Variants in TRMT11 observed in about 807,000 individuals in gnomAD.
TRMT11 encodes tRNA (guanine(10)-N(2))-methyltransferase TRMT11.
TRMT11 carries 53 observed loss-of-function variants against 62.8 expected under a neutral mutation model. The observed-to-expected ratio is 0.84, with a 90% confidence interval of 0.68 to 1.06. TRMT11 has a LOEUF of 1.06. Among genes scored for constraint, TRMT11 ranks in the 50% least tolerant of loss-of-function variants. The pLI is 0.00. For missense variants in TRMT11, 556 were observed against 553.4 expected, an observed-to-expected ratio of 1.00 and a Z score of -0.05; for synonymous variants, 188 against 190.3, an observed-to-expected ratio of 0.99 and a Z score of 0.10.
intron 21 of TRMT11, among the ~76,000 whole-genome samples, chr6:126,164,642 A>G (rs975159586): frequency 6.6e-6 from 1 of 152,210 alleles, no homozygotes; most frequent in Non-Finnish European, 1.5e-5. Flanking sequence ...AACTTGCTTT[A>G]TGAATCTGGG....
chr6:126,026,712 T>A (rs2128015869), intron 12 of TRMT11, among the ~76,000 whole-genome samples: 1 of 150,994 alleles, frequency 6.6e-6, no homozygotes, highest in Non-Finnish European at 1.5e-5. Context: ...TTGAGTGACA[T>A]ATTACTAGTT....
At chr6:126,162,762 T>C (rs1011057027) in intron 21 of TRMT11, among the ~76,000 whole-genome samples, 1 of 152,214 alleles carries the variant, frequency 6.6e-6, no homozygotes, top group African/African-American at 2.4e-5. Flanking sequence ...TAGTATTCCT[T>C]GAAGAGGTCC....
chr6:126,011,541 C>A lies in TRMT11; in HGVS notation c.925+124C>A, dbSNP rs563948203. The stretch of plus-strand genomic sequence containing the variant: ...CTTGTCAGTATTTCTCCCATCTACC[C>A]CCAGCTTCTTCATCTTGTAAGGAGA... On this transcript the variant is annotated intron_variant, in intron 9 of 12. Transcript: ENST00000334379. 4 of 736,354 alleles carry A rather than the reference C, an allele frequency of 5.4e-6. No homozygotes were observed. In the South Asian group the frequency reaches 7.4e-5, roughly 14 times the overall value. The allele number at this position is 736,354 out of a possible 1,614,324, so 45.6% of individuals were successfully genotyped here. A position where few individuals can be genotyped will look rare whatever the true frequency, so the allele number is the denominator to read the frequency against.
At chr6:126,126,591 C>T (rs536965851) in intron 21 of TRMT11, among the ~76,000 whole-genome samples, 2 of 152,252 alleles carry the variant, frequency 1.3e-5, no homozygotes, top group South Asian at 4.1e-4. Context: ...TATCAAACCT[C>T]ACGCTGTGCC....
At chr6:126,138,155 T>C (rs746472123) in intron 21 of TRMT11, among the ~76,000 whole-genome samples, 2 of 152,102 alleles carry the variant, frequency 1.3e-5, no homozygotes, top group African/African-American at 2.4e-5. Context: ...TTTGAGTTGA[T>C]GAATAGTTCA....
At chr6:126,154,339 A>ATGTATGTGTGTG (rs543087570) in intron 21 of TRMT11, among the ~76,000 whole-genome samples, 4 of 122,848 alleles carry the variant, frequency 3.3e-5, no homozygotes, top group African/African-American at 1.1e-4. Flanking sequence ...GTGTGTGTGT[A>ATGTATGTGTGTG]TGTGTGTGTG....
At chr6:126,051,723 C>A (rs1776223993) in intron 16 of TRMT11, among the ~76,000 whole-genome samples, 2 of 152,028 alleles carry the variant, frequency 1.3e-5, no homozygotes, top group Admixed American at 1.3e-4. Flanking sequence ...AGCTAGGGCA[C>A]TGAGTGGGTA....
At chr6:126,019,354 G>A (rs1415858170) in intron 11 of TRMT11, among the ~76,000 whole-genome samples, 3 of 152,168 alleles carry the variant, frequency 2.0e-5, no homozygotes, top group Non-Finnish European at 4.4e-5. Context: ...AAAACCAAAT[G>A]CAGCAACTTA....
chr6:126,016,884 T>C (rs1225524553), intron 11 of TRMT11, among the ~76,000 whole-genome samples: 11 of 152,166 alleles, frequency 7.2e-5, no homozygotes, highest in Admixed American at 6.5e-4. Flanking sequence ...TCTTTAAGCC[T>C]AAAGCGATCT....
At chr6:126,153,990 C>T (rs556669355) in intron 21 of TRMT11, among the ~76,000 whole-genome samples, 2 of 152,280 alleles carry the variant, frequency 1.3e-5, no homozygotes, top group Admixed American at 6.5e-5. Flanking sequence ...CCCCCATGTG[C>T]GGTCTTACGT....
chr6:126,228,826 G>T, the TRMT11 span, among the ~76,000 whole-genome samples: 559 of 152,302 alleles, frequency 3.7e-3, 6 homozygotes, highest in African/African-American at 0.013. Flanking sequence ...TAAAGGGATT[G>T]CATAGGTTTG....
downstream of TRMT11, among the ~76,000 whole-genome samples, chr6:126,043,814 G>A (rs1209720351): frequency 6.6e-6 from 1 of 151,188 alleles, no homozygotes; most frequent in East Asian, 1.9e-4. Flanking sequence ...GTGATGGTGA[G>A]CATTTTTTCA....
the TRMT11 span, among the ~76,000 whole-genome samples, chr6:126,242,324 A>G: frequency 2.0e-5 from 3 of 152,358 alleles, no homozygotes; most frequent in Admixed American, 2.0e-4. Flanking sequence ...GCTCATGGAT[A>G]GGAAGAATCA....
At chr6:126,180,006 A>G (rs912320565) in intron 1 of TRMT11, among the ~76,000 whole-genome samples, 6 of 152,208 alleles carry the variant, frequency 3.9e-5, no homozygotes, top group African/African-American at 9.6e-5. Context: ...TTTGTAAACT[A>G]TAATAAATCA....
intron 17 of TRMT11, among the ~76,000 whole-genome samples, chr6:126,100,133 T>C (rs1562322799): frequency 6.6e-6 from 1 of 152,142 alleles, no homozygotes; most frequent in Non-Finnish European, 1.5e-5. Flanking sequence ...TTAAGTCTCC[T>C]AGGGTTCTCA....
At chr6:126,177,526 T>C (rs889334908) in intron 1 of TRMT11, among the ~76,000 whole-genome samples, 10 of 152,182 alleles carry the variant, frequency 6.6e-5, no homozygotes, top group African/African-American at 2.4e-4. Flanking sequence ...ATATGTGCAA[T>C]AAAGCTTTAG....
intron 12 of TRMT11, among the ~76,000 whole-genome samples, chr6:126,034,877 G>GA (rs550788787): frequency 4.2e-4 from 62 of 149,328 alleles, no homozygotes; most frequent in African/African-American, 1.2e-3. Flanking sequence ...ATACTGTGCT[G>GA]AAAAAAAAAC....
At chr6:126,092,918 T>A (rs760132156) in intron 17 of TRMT11, among the ~76,000 whole-genome samples, 2 of 152,240 alleles carry the variant, frequency 1.3e-5, no homozygotes, top group Non-Finnish European at 2.9e-5. Context: ...TGGAGACAAA[T>A]GACACAGTTC....
intron 7 of TRMT11, among the ~76,000 whole-genome samples, chr6:126,002,618 T>G (rs996885753): frequency 6.6e-6 from 1 of 152,084 alleles, no homozygotes; most frequent in African/African-American, 2.4e-5. Context: ...TTGCCCTCTG[T>G]TTTAGGTTTT....
Sources: allele counts gnomAD v4.1 joint callset (sites outside exome capture counted in the v4.1 genomes callset), GRCh38; gene constraint gnomAD v4.1.1; transcripts MANE v1.5; gene names NCBI Gene and HGNC (gene_info 2026-07-23, HGNC 2026-07-21).